Variants in UGT1A6 observed in about 807,000 individuals in gnomAD.
The protein encoded by UGT1A6 is UDP-glucuronosyltransferase 1A6.
A neutral mutation model predicts 44.4 loss-of-function variants in UGT1A6; 32 were observed. The observed-to-expected ratio is 0.72, with a 90% confidence interval of 0.54 to 0.97. The LOEUF is 0.97. Among genes scored for constraint, UGT1A6 ranks in the 50% least tolerant of loss-of-function variants. The probability of loss-of-function intolerance (pLI) is 0.00; values close to 1 mark genes in which losing one functional copy is unlikely to be tolerated. For synonymous variants in UGT1A6, 238 were observed against 248.5 expected, an observed-to-expected ratio of 0.96 and a Z score of 0.40; for missense variants, 685 against 661.9, an observed-to-expected ratio of 1.03 and a Z score of -0.38.
At chr2:233,713,902 A>G in intron 1 of UGT1A6, 1 of 1,612,946 alleles carries the variant, frequency 6.2e-7, no homozygotes, top group South Asian at 1.1e-5. Flanking sequence ...CAGGCAAAAC[A>G]CTTTTTAAAA....
intron 1 of UGT1A6, among the ~76,000 whole-genome samples, chr2:233,744,770 A>G (rs1692917910): frequency 6.6e-6 from 1 of 151,946 alleles, no homozygotes. Context: ...TTAACTTTGC[A>G]AAATTCTCCT....
upstream of UGT1A6, chr2:233,692,872 T>C (rs2125553048): frequency 1.3e-6 from 2 of 1,488,718 alleles, no homozygotes; most frequent in Non-Finnish European, 1.8e-6. Flanking sequence ...TATCAAAGGG[T>C]AAAATTCAGA....
At position 233,764,579 on chromosome 2, in the gene UGT1A6, G is replaced by A. The variant is rs530578816; in HGVS notation, c.862-2455G>A. Among the ~76,000 whole-genome samples, 7 of 152,190 alleles carry A rather than the reference G, an allele frequency of 4.6e-5. No individual in the cohort carries two copies. The East Asian group carries it at 1.2e-3, about 25-fold the overall frequency. On this transcript the variant is annotated intron_variant, in intron 1 of 4. Transcript: ENST00000305139. ...TGTGCCTGGAGGAGAACTTAGACTC[G>A]GCCTTTTCCAGATGAGCTTCAGTGT...
chr2:233,750,062 A>G (rs140494674), intron 1 of UGT1A6, among the ~76,000 whole-genome samples: 5,134 of 151,936 alleles, frequency 0.034, 160 homozygotes, highest in African/African-American at 0.052. Flanking sequence ...TGACTTTGGA[A>G]CTGGGTAACA....
Position 233,693,736 on chromosome 2 carries a change from C to T in UGT1A6, c.732C>T (p.Ile244=). ...TCCTCAAGAGAGATGTGGATATAAT[C>T]ACCTTATATCAGAAGGTCTCTGTTT... ...SAVLKRDVDI[I]TLYQKVSVWL... The change falls in exon 1 of 5, where the codon ATC becomes ATT. Residue 244 remains isoleucine, a synonymous_variant. Coordinates refer to ENST00000305139, the MANE Select transcript of UGT1A6 (RefSeq NM_001072.4). 1 of 1,614,224 alleles carries T rather than the reference C, an allele frequency of 6.2e-7. No homozygotes were observed. Among genetic ancestry groups the T allele is most frequent in the South Asian group, 1.1e-5 (1 of 91,080 alleles).
intron 1 of UGT1A6, chr2:233,730,140 A>G (rs1239984500): frequency 2.3e-5 from 35 of 1,523,880 alleles, no homozygotes; most frequent in Non-Finnish European, 2.7e-5. Flanking sequence ...TCAGTGAGAT[A>G]AACTGTTAAG....
rs866643747 is a variant in UGT1A6, at chr2:233,725,306, A to G, written c.861+31441A>G. On this transcript the variant is annotated intron_variant, in intron 1 of 4. Coordinates refer to ENST00000305139, the MANE Select transcript of UGT1A6 (RefSeq NM_001072.4). ...CAGAGGCAGAGGCAGAGGCAGAGGC[A>G]GAGGCAGAGGCGCCTGGTCAACAAT... Among the ~76,000 whole-genome samples the G allele has an allele frequency of 8.2e-5, 7 of 85,472 alleles. 1 individual carries two copies. In the East Asian group the frequency reaches 1.3e-3, roughly 16 times the overall value. The allele number at this position is 85,472 out of a possible 152,430, so 56.1% of individuals were successfully genotyped here.
rs749212538 is a variant in UGT1A6 at position 233,718,994 on chromosome 2, G to C, written c.861+25129G>C. On this transcript the variant is annotated intron_variant, in intron 1 of 4. Coordinates refer to ENST00000305139, the MANE Select transcript of UGT1A6 (RefSeq NM_001072.4). ...AGCTCCATGCCAGAGGCCACCAGGCGGTGGTCCTCACCCCAGAGGTGAATA... is the reference window on the plus strand; with the variant it reads ...AGCTCCATGCCAGAGGCCACCAGGCCGTGGTCCTCACCCCAGAGGTGAATA... 11 of 1,613,986 alleles carry C rather than the reference G, an allele frequency of 6.8e-6. No individual in the cohort carries two copies. In the Admixed American group the frequency reaches 1.2e-4, roughly 17 times the overall value.
chr2:233,769,507 T>C lies in UGT1A6; in HGVS notation c.1301+1068T>C. 6.2e-7 allele frequency: 1 copy of C among 1,612,744 alleles called. No homozygotes were observed. Among genetic ancestry groups the C allele is most frequent in the South Asian group, 1.1e-5 (1 of 91,058 alleles). The stretch of plus-strand genomic sequence containing the variant: ...TGTGTTTATGAGAGTGTCCATTGCT[T>C]TCTCCCATGGTTACCTCCTTTAGAA... On this transcript the variant is annotated intron_variant, in intron 4 of 4. Coordinates refer to ENST00000305139, the MANE Select transcript of UGT1A6 (RefSeq NM_001072.4). This position sits in a 1 kb window ranked among gnomAD's most constrained non-coding sequence, Gnocchi z 4.4.
At position 233,697,853 on chromosome 2, in the gene UGT1A6, G is replaced by A. The variant is rs373328291; in HGVS notation, c.861+3988G>A. On this transcript the variant is annotated intron_variant, in intron 1 of 4. Coordinates refer to ENST00000305139, the MANE Select transcript of UGT1A6 (RefSeq NM_001072.4). Reference sequence around the variant, plus strand: ...CTAATTAAGAAGTTAGTAAGCAAAAGTTATGCATTTATTTAATGATTTCTT... The same window carrying A: ...CTAATTAAGAAGTTAGTAAGCAAAAATTATGCATTTATTTAATGATTTCTT... Among the ~76,000 whole-genome samples, 3 of 152,022 alleles carry A rather than the reference G, an allele frequency of 2.0e-5. No homozygotes were observed. The East Asian group carries it at 5.8e-4, about 29-fold the overall frequency.
chr2:233,771,841 C>T (rs1700397789), intron 4 of UGT1A6, among the ~76,000 whole-genome samples: 1 of 147,174 alleles, frequency 6.8e-6, no homozygotes, highest in South Asian at 2.4e-4. Flanking sequence ...CCTTCTCTTC[C>T]TTCTTTTTCA....
At chr2:233,705,790 C>A (rs1416017084) in intron 1 of UGT1A6, among the ~76,000 whole-genome samples, 6 of 152,064 alleles carry the variant, frequency 3.9e-5, no homozygotes, top group African/African-American at 1.4e-4. Flanking sequence ...GCAAAATGCC[C>A]CTTGTTCAAA....
intron 1 of UGT1A6, among the ~76,000 whole-genome samples, chr2:233,764,775 GA>G (rs1268647716): frequency 6.6e-6 from 1 of 152,162 alleles, no homozygotes. Context: ...AAGGAGTTCA[GA>G]AAAACCATCC....
intron 1 of UGT1A6, among the ~76,000 whole-genome samples, chr2:233,711,615 C>A (rs548104109): frequency 1.3e-5 from 2 of 152,312 alleles, no homozygotes; most frequent in Admixed American, 6.5e-5. Context: ...CTCTGGTGGA[C>A]AGCTCCATTC....
chr2:233,767,027 G>A lies in UGT1A6; in HGVS notation c.862-7G>A, dbSNP rs753107729. The A allele has an allele frequency of 3.1e-6, 5 of 1,613,804 alleles. No individual in the cohort carries two copies. Among genetic ancestry groups the A allele is most frequent in the Non-Finnish European group, 4.2e-6 (5 of 1,179,992 alleles). On this transcript the variant is annotated splice_region_variant and splice_polypyrimidine_tract_variant and intron_variant, in intron 1 of 4. Coordinates refer to ENST00000305139, the MANE Select transcript of UGT1A6 (RefSeq NM_001072.4). ...AAATTAACTGAAAATTTTTCTTCTG[G>A]CTCTAGGAATTTGAAGCCTACATTA...
chr2:233,772,311 G>T lies in UGT1A6; in HGVS notation c.1351G>T (p.Val451Leu), dbSNP rs587784536. 12 of 1,614,228 alleles carry T rather than the reference G, an allele frequency of 7.4e-6. No homozygotes were observed. In the Admixed American group the frequency reaches 1.5e-4, roughly 20 times the overall value. Residue 451 changes from valine (V) to leucine (L), a missense_variant, in exon 5 of 5, where the codon GTG becomes TTG. Transcript: ENST00000305139. ...RLSSLHKDRP[V>L]EPLDLAVFWV... ...CTCCAGCCTTCACAAGGACCGCCCG[G>T]TGGAGCCGCTGGACCTGGCCGTGTT...
chr2:233,696,158 A>G (rs2075328796), intron 1 of UGT1A6, among the ~76,000 whole-genome samples: 1 of 152,220 alleles, frequency 6.6e-6, no homozygotes, highest in Non-Finnish European at 1.5e-5. Flanking sequence ...TATATATCCA[A>G]AAGAAAAAAA....
At chr2:233,718,401 C>G (rs1023321432) in intron 1 of UGT1A6, among the ~76,000 whole-genome samples, 1 of 152,202 alleles carries the variant, frequency 6.6e-6, no homozygotes, top group Non-Finnish European at 1.5e-5. Flanking sequence ...TAGCAAATAG[C>G]GTCACATTCA....
At chr2:233,747,423 CAA>C (rs113576188) in intron 1 of UGT1A6, 84,087 of 1,608,036 alleles carry the variant, frequency 0.052, 2,713 homozygotes, top group Non-Finnish European at 0.063. Context: ...GCACATCAAA[CAA>C]GAGAAATTTT....
Sources: allele counts gnomAD v4.1 joint callset (sites outside exome capture counted in the v4.1 genomes callset), GRCh38; gene constraint gnomAD v4.1.1; non-coding constraint Gnocchi (gnomAD v3.1); transcripts MANE v1.5; gene names NCBI Gene and HGNC (gene_info 2026-07-23, HGNC 2026-07-21).